Variants in EXD3 observed in about 807,000 individuals in gnomAD.
EXD3 encodes the protein exonuclease mut-7 homolog.
A neutral mutation model predicts 98.0 loss-of-function variants in EXD3; 92 were observed. The observed-to-expected ratio is 0.94, with a 90% confidence interval of 0.79 to 1.12. The LOEUF is 1.12. EXD3 is among the 50% of genes most tolerant of loss of function. EXD3 has a pLI of 0.00. For synonymous variants in EXD3, 569 were observed against 526.0 expected (o/e 1.08, Z -1.12); for missense variants, 1,222 against 1,191.6 (o/e 1.03, Z -0.38).
At chr9:137,418,704 C>T (rs1318211771) in intron 1 of EXD3, among the ~76,000 whole-genome samples, 5 of 151,044 alleles carry the variant, frequency 3.3e-5, no homozygotes, top group South Asian at 4.2e-4. Flanking sequence ...GTTTGTTTTT[C>T]TTTTGAACAA....
At chr9:137,355,369 C>G (rs1834579873) in intron 8 of EXD3, among the ~76,000 whole-genome samples, 2 of 151,274 alleles carry the variant, frequency 1.3e-5, no homozygotes, top group South Asian at 4.2e-4. Context: ...CCCCCACGCC[C>G]AGAGCGCAGC....
intron 1 of EXD3, among the ~76,000 whole-genome samples, chr9:137,396,475 A>G (rs1018409723): frequency 6.6e-6 from 1 of 152,112 alleles, no homozygotes; most frequent in South Asian, 2.1e-4. Context: ...GCCCTCCCCC[A>G]GGCAGCCCTC....
Position 137,367,832 on chromosome 9 carries a change from C to T in EXD3, c.516+104G>A, listed in dbSNP as rs1835348971. 6.2e-6 allele frequency: 7 copies of T among 1,129,400 alleles called. No individual in the cohort carries two copies. The African/African-American group carries it at 7.7e-5, about 12-fold the overall frequency. The allele number at this position is 1,129,400 out of a possible 1,614,324, so 70.0% of individuals were successfully genotyped here. A position where few individuals can be genotyped will look rare whatever the true frequency, so the allele number is the denominator to read the frequency against. ...GGCCCCCGATGGCCCTGCTGTCCCC[C>T]ACTGTGGCTTGGTGGACTCCCGACC... On this transcript the variant is annotated intron_variant, in intron 6 of 21. Coordinates refer to ENST00000340951, the MANE Select transcript of EXD3 (RefSeq NM_017820.5).
At chr9:137,396,229 A>G (rs1187944438) in intron 1 of EXD3, among the ~76,000 whole-genome samples, 1 of 152,102 alleles carries the variant, frequency 6.6e-6, no homozygotes, top group Non-Finnish European at 1.5e-5. Flanking sequence ...CAGCCTCCCA[A>G]AGTGCTGGGA....
intron 5 of EXD3, 85 bp downstream of exon 5, chr9:137,372,820 C>T (rs773855288): frequency 7.5e-5 from 106 of 1,414,540 alleles, no homozygotes; most frequent in Admixed American, 9.8e-5. Flanking sequence ...AGCCCCCACA[C>T]AGAGGCGGCC....
In EXD3 at chr9:137,349,169, G is replaced by T; in HGVS notation, c.1771C>A (p.Pro591Thr). The T allele has an allele frequency of 1.3e-6, 2 of 1,594,034 alleles. No individual in the cohort carries two copies. Among genetic ancestry groups the T allele is most frequent in the Non-Finnish European group, 1.7e-6 (2 of 1,176,006 alleles). ...GSRRPRHRER[P>T]GARKPPGLQK... is the part of the protein sequence containing the mutation. ...AGGCCGGGTGGCTTCCGTGCCCCTG[G>T]TCTCTCTCTGTGCCTGGGCCTCCGG... Residue 591 changes from proline (P) to threonine (T), a missense_variant, in exon 16 of 22, where the codon CCA (proline) becomes ACA (threonine). By Grantham distance (38) the Pro-to-Thr change is conservative. Transcript: ENST00000340951. This position sits in a 1 kb window ranked among gnomAD's most constrained non-coding sequence, Gnocchi z 7.4.
At position 137,307,620 on chromosome 9, in the gene EXD3, C is replaced by T; in HGVS notation, c.2305G>A (p.Val769Met). 6.2e-7 allele frequency: 1 copy of T among 1,610,282 alleles called. No individual in the cohort carries two copies. ...TCCCGGGGCTCACCTGGCTCCTGCA[C>T]CGCCTGGCTCTGGGTGGCCTCGTCA... Reference protein sequence around the residue: ...SGDEATQSQAVQEPGPAPDAA... With the variant: ...SGDEATQSQAMQEPGPAPDAA... Residue 769 changes from valine (V) to methionine (M), a missense_variant, in exon 21 of 22, where the codon GTG (valine) becomes ATG (methionine). Coordinates refer to ENST00000340951, the MANE Select transcript of EXD3 (RefSeq NM_017820.5).
At position 137,352,789 on chromosome 9, in the gene EXD3, G is replaced by A. The variant is rs148272244; in HGVS notation, c.871-3C>T. On this transcript the variant is annotated splice_polypyrimidine_tract_variant and splice_region_variant and intron_variant, in intron 10 of 21. Transcript: ENST00000340951. ...CACGGGCTCTGCCCCACCAGGCCCT[G>A]TGAGGAGGGTGGCCGTGAGGATGGA... 6 of 1,579,412 alleles carry A rather than the reference G, an allele frequency of 3.8e-6. No homozygotes were observed. The Admixed American group carries it at 7.5e-5, about 20-fold the overall frequency.
intron 3 of EXD3, among the ~76,000 whole-genome samples, chr9:137,375,302 C>T (rs145638635): frequency 3.3e-4 from 50 of 152,110 alleles, no homozygotes; most frequent in African/African-American, 8.9e-4. Flanking sequence ...CCACCGCGCC[C>T]GGCCCTAACC....
chr9:137,323,917 A>G (rs569175794), intron 18 of EXD3, 61 bp from the exon 19 acceptor site: 1 of 1,546,272 alleles, frequency 6.5e-7, no homozygotes, highest in South Asian at 1.2e-5. Context: ...GCCCAGGCCC[A>G]GCCCGCCTCC....
rs1835278743 is a variant in EXD3 at position 137,366,706 on chromosome 9, G to A, written c.517-74C>T. ...AACCTGACTCACCTCCAACCCAGAG[G>A]GAGCGGCCAAAGTGTCAGAACGAAA... On this transcript the variant is annotated intron_variant, in intron 6 of 21. Transcript: ENST00000340951. 3.3e-6 allele frequency: 5 copies of A among 1,499,744 alleles called. No homozygotes were observed. The South Asian group carries it at 5.1e-5, about 15-fold the overall frequency. 92.9% of individuals were successfully genotyped at this position (1,499,744 alleles called of 1,614,324 possible). A position where few individuals can be genotyped will look rare whatever the true frequency, so the allele number is the denominator to read the frequency against.
chr9:137,320,334 G>A (rs1332950305), intron 19 of EXD3, among the ~76,000 whole-genome samples: 4 of 152,248 alleles, frequency 2.6e-5, no homozygotes, highest in African/African-American at 9.6e-5. Flanking sequence ...GCTGTTTGCA[G>A]TCTTTCAGAT....
chr9:137,366,088 G>A (rs1475342796), intron 7 of EXD3: 2 of 689,240 alleles, frequency 2.9e-6, no homozygotes, highest in Non-Finnish European at 5.3e-6. Context: ...CACCATATGG[G>A]CTCCTTGTCA....
chr9:137,310,233 C>A (rs1831289880), intron 19 of EXD3, among the ~76,000 whole-genome samples: 1 of 152,168 alleles, frequency 6.6e-6, no homozygotes, highest in Admixed American at 6.5e-5. Flanking sequence ...ACAAAACGGG[C>A]CCCCATGGCT....
intron 1 of EXD3, among the ~76,000 whole-genome samples, chr9:137,420,735 T>TCTC (rs1337914999): frequency 2.1e-5 from 2 of 97,254 alleles, no homozygotes; most frequent in East Asian, 2.6e-4. Flanking sequence ...GGACAGACAT[T>TCTC]CACCCCCCCC....
At chr9:137,374,416 C>T (rs112189050) in intron 3 of EXD3, 5 of 346,626 alleles carry the variant, frequency 1.4e-5, no homozygotes, top group Non-Finnish European at 2.0e-5. Flanking sequence ...AAGCCGAGAG[C>T]GTGGGCCGCG....
chr9:137,383,491 G>A (rs993817590), intron 2 of EXD3, 114 bp from the exon 3 acceptor site: 53 of 740,026 alleles, frequency 7.2e-5, no homozygotes, highest in East Asian at 1.6e-4. Context: ...CTCTGGACCC[G>A]GGGGGCCGGG....
intron 17 of EXD3, among the ~76,000 whole-genome samples, chr9:137,325,768 T>C (rs1229563899): frequency 6.6e-6 from 1 of 151,974 alleles, no homozygotes; most frequent in Non-Finnish European, 1.5e-5. Context: ...CAAGACCAAC[T>C]CAAAAACATC....
At chr9:137,328,621 ACTACACGGGACTACACGGGG>A (rs1832656237) in intron 17 of EXD3, among the ~76,000 whole-genome samples, 1 of 17,552 alleles carries the variant, frequency 5.7e-5, no homozygotes, top group Non-Finnish European at 1.2e-4. Flanking sequence ...GCTACACGGG[ACTACACGGGACTACACGGGG>A]CTACACGGGA....
Sources: gnomAD v4.1 joint callset for allele counts (sites outside exome capture counted in the v4.1 genomes callset) on GRCh38, gnomAD v4.1.1 for gene constraint, Gnocchi (gnomAD v3.1) non-coding constraint, MANE v1.5 for transcripts, NCBI Gene and HGNC (gene_info 2026-07-23, HGNC 2026-07-21) for gene names.